Variants in PLXNA4 observed in about 807,000 individuals in gnomAD.
PLXNA4 encodes the protein plexin-A4.
A neutral mutation model predicts 191.8 loss-of-function variants in PLXNA4; 44 were observed. That is an observed-to-expected ratio of 0.23 (90% CI 0.18 to 0.29). The LOEUF (loss-of-function observed/expected upper bound fraction) is 0.29, where lower values mean the gene tolerates loss of function less well. Ranked by LOEUF, PLXNA4 falls within the 10% of genes least tolerant of loss-of-function variation. The probability of loss-of-function intolerance (pLI) is 1.00; values close to 1 mark genes in which losing one functional copy is unlikely to be tolerated. For missense variants in PLXNA4, 1,800 were observed against 2,488.8 expected, an observed-to-expected ratio of 0.72 and a Z score of 5.89; for synonymous variants, 1,082 against 1,009.5, an observed-to-expected ratio of 1.07 and a Z score of -1.36.
At chr7:132,157,996 C>T (rs780239111) in intron 25 of PLXNA4, among the ~76,000 whole-genome samples, 1 of 152,142 alleles carries the variant, frequency 6.6e-6, no homozygotes, top group Non-Finnish European at 1.5e-5. Context: ...GAGCACACAC[C>T]CATACCCCTC....
intron 3 of PLXNA4, among the ~76,000 whole-genome samples, chr7:132,390,552 A>T (rs1275723657): frequency 6.6e-6 from 1 of 152,194 alleles, no homozygotes; most frequent in African/African-American, 2.4e-5. Flanking sequence ...ATACCCCAGA[A>T]CTTAAAGTAT....
intron 4 of PLXNA4, among the ~76,000 whole-genome samples, chr7:132,266,552 T>C (rs969916863): frequency 1.3e-5 from 2 of 152,240 alleles, no homozygotes; most frequent in African/African-American, 4.8e-5. Flanking sequence ...TATCTCTCTG[T>C]GAAATGTCTC....
intron 10 of PLXNA4, among the ~76,000 whole-genome samples, chr7:132,204,680 G>A (rs557492759): frequency 6.6e-6 from 1 of 152,286 alleles, no homozygotes; most frequent in Non-Finnish European, 1.5e-5. Context: ...GGACAGGGAG[G>A]GTGGCCACAG....
intron 2 of PLXNA4, among the ~76,000 whole-genome samples, chr7:132,594,976 A>AATAGATAGATAG (rs376281990): frequency 4.6e-5 from 5 of 109,510 alleles, no homozygotes; most frequent in African/African-American, 9.5e-5. Flanking sequence ...ATTGATAGAT[A>AATAGATAGATAG]ATAGATAGAT....
intron 1 of PLXNA4, among the ~76,000 whole-genome samples, chr7:132,528,296 C>T (rs567683536): frequency 6.6e-6 from 1 of 152,264 alleles, no homozygotes; most frequent in South Asian, 2.1e-4. Context: ...CTACATTGTT[C>T]TCAAGAACAC....
chr7:132,421,511 G>A (rs1005948888), intron 3 of PLXNA4, among the ~76,000 whole-genome samples: 2 of 151,900 alleles, frequency 1.3e-5, no homozygotes, highest in Non-Finnish European at 2.9e-5. Flanking sequence ...GGGCAACCGA[G>A]TGGGCTTTAT....
intron 3 of PLXNA4, among the ~76,000 whole-genome samples, chr7:132,410,012 G>A (rs1039224724): frequency 5.3e-5 from 8 of 152,212 alleles, no homozygotes; most frequent in Admixed American, 4.6e-4. Flanking sequence ...TTGGAATTGA[G>A]TCCCTTGGGT....
chr7:132,263,452 T>C (rs1215242531), intron 4 of PLXNA4, among the ~76,000 whole-genome samples: 1 of 152,238 alleles, frequency 6.6e-6, no homozygotes, highest in Non-Finnish European at 1.5e-5. Flanking sequence ...GGCTGAGTTA[T>C]GAGTGCCTCC....
At chr7:132,209,705 A>G (rs1318017009) in intron 10 of PLXNA4, among the ~76,000 whole-genome samples, 1 of 152,144 alleles carries the variant, frequency 6.6e-6, no homozygotes, top group East Asian at 1.9e-4. Flanking sequence ...TCCTGCAGGA[A>G]GAGTAGAGTG....
In PLXNA4 at chr7:132,194,193, A is replaced by T. The variant is rs773578654; in HGVS notation, c.2739-14T>A. The T allele has an allele frequency of 6.2e-7, 1 of 1,608,872 alleles. No homozygotes were observed. The highest frequency in any genetic ancestry group is 8.5e-7 in the Non-Finnish European group (1 of 1,176,280). The stretch of plus-strand genomic sequence containing the variant: ...TCACACACGATCCTGCAGGGAGGAT[A>T]GGAGAAATCCCATGGGTCACAGGAC... On this transcript the variant is annotated splice_polypyrimidine_tract_variant and intron_variant, in intron 13 of 31. Coordinates refer to ENST00000321063, the MANE Select transcript of PLXNA4 (RefSeq NM_020911.2).
intron 29 of PLXNA4, among the ~76,000 whole-genome samples, chr7:132,143,298 T>A (rs1183286747): frequency 1.3e-5 from 2 of 152,190 alleles, no homozygotes; most frequent in Non-Finnish European, 1.5e-5. Context: ...GTCTACTTTC[T>A]GGGATTTCCT....
intron 3 of PLXNA4, among the ~76,000 whole-genome samples, chr7:132,355,720 G>T (rs1585029110): frequency 6.6e-6 from 1 of 152,104 alleles, no homozygotes; most frequent in East Asian, 1.9e-4. Context: ...TGCCTAGGAA[G>T]AGAGGGAGGA....
At chr7:132,535,907 A>G (rs191109831) in intron 1 of PLXNA4, among the ~76,000 whole-genome samples, 1 of 152,266 alleles carries the variant, frequency 6.6e-6, no homozygotes, top group Admixed American at 6.5e-5. Flanking sequence ...CTTATTACCT[A>G]TTAGACAGAG....
intron 2 of PLXNA4, among the ~76,000 whole-genome samples, chr7:132,591,838 C>T (rs895797118): frequency 6.6e-6 from 1 of 152,142 alleles, no homozygotes. Flanking sequence ...GTATTATGTG[C>T]TCTTTTGGCA....
chr7:132,270,244 A>G (rs1426058459), intron 4 of PLXNA4, among the ~76,000 whole-genome samples: 2 of 152,050 alleles, frequency 1.3e-5, no homozygotes. Context: ...CGTGCCTGGG[A>G]CTCCTTAAGT....
chr7:132,505,286 T>C (rs547048650), intron 2 of PLXNA4, among the ~76,000 whole-genome samples: 1 of 152,358 alleles, frequency 6.6e-6, no homozygotes, highest in East Asian at 1.9e-4. Flanking sequence ...CTCTGCAGAC[T>C]TCCATGATGA....
chr7:132,419,223 C>T (rs1347229), intron 3 of PLXNA4, among the ~76,000 whole-genome samples: 9,923 of 152,272 alleles, frequency 0.065, 547 homozygotes, highest in East Asian at 0.22. Flanking sequence ...TGGGGCCAGG[C>T]ATCGTGTCCT....
chr7:132,572,078 A>G (rs1431268056), intron 1 of PLXNA4, among the ~76,000 whole-genome samples: 1 of 152,202 alleles, frequency 6.6e-6, no homozygotes, highest in South Asian at 2.1e-4. Context: ...CTTCCTCCCA[A>G]GCACTCACCC....
At chr7:132,482,079 T>G (rs1467094110) in intron 3 of PLXNA4, among the ~76,000 whole-genome samples, 9 of 152,170 alleles carry the variant, frequency 5.9e-5, no homozygotes, top group African/African-American at 2.2e-4. Flanking sequence ...GTCCCCTCAA[T>G]GGCTGAGAAA....
Sources: allele counts gnomAD v4.1 joint callset (sites outside exome capture counted in the v4.1 genomes callset), GRCh38; gene constraint gnomAD v4.1.1; transcripts MANE v1.5; gene names NCBI Gene and HGNC (gene_info 2026-07-23, HGNC 2026-07-21).